UBE2H: variants seen among roughly 807,000 people sequenced by gnomAD.
UBE2H encodes the protein ubiquitin-conjugating enzyme E2 H.
Under a neutral mutation model 29.0 loss-of-function variants are expected in UBE2H, and 3 were observed. The ratio of observed to expected loss-of-function variants is 0.10; its 90% confidence interval spans 0.05 to 0.27. The LOEUF is 0.27. Ranked by LOEUF, UBE2H falls within the 10% of genes least tolerant of loss-of-function variation. The pLI is 1.00. For missense variants in UBE2H, 68 were observed against 228.2 expected (o/e 0.30, Z 4.52); for synonymous variants, 69 against 82.9 (o/e 0.83, Z 0.91).
chr7:129,945,096 G>A (rs2116528133), intron 1 of UBE2H, among the ~76,000 whole-genome samples: 1 of 152,172 alleles, frequency 6.6e-6, no homozygotes, highest in African/African-American at 2.4e-5. Context: ...ACAGAAATGA[G>A]ATCAATGGTT....
chr7:129,878,454 C>CTGGCG (rs1167771949), intron 3 of UBE2H, among the ~76,000 whole-genome samples: 2 of 151,922 alleles, frequency 1.3e-5, no homozygotes, highest in Non-Finnish European at 2.9e-5. Flanking sequence ...GAGGCCGAGG[C>CTGGCG]TGGCGGATCA....
intron 1 of UBE2H, among the ~76,000 whole-genome samples, chr7:129,922,324 C>A (rs1352528123): frequency 6.6e-6 from 1 of 151,762 alleles, no homozygotes; most frequent in African/African-American, 2.4e-5. Context: ...CTTGCTCTGG[C>A]ACCCAGGCTG....
intron 3 of UBE2H, among the ~76,000 whole-genome samples, chr7:129,866,889 G>A (rs1434881925): frequency 6.6e-6 from 1 of 152,152 alleles, no homozygotes; most frequent in Admixed American, 6.5e-5. Context: ...TAATCGTGAA[G>A]ATTAAATGAG....
At chr7:129,930,218 A>AT (rs1434508384) in intron 1 of UBE2H, among the ~76,000 whole-genome samples, 1 of 151,978 alleles carries the variant, frequency 6.6e-6, no homozygotes, top group African/African-American at 2.4e-5. Context: ...CTGCAGTGTA[A>AT]TGGCACGATC....
intron 5 of UBE2H, among the ~76,000 whole-genome samples, chr7:129,852,159 A>G (rs1805622122): frequency 6.6e-6 from 1 of 152,234 alleles, no homozygotes; most frequent in Non-Finnish European, 1.5e-5. Context: ...GTGTAGTTAC[A>G]CTAAAATGTT....
intron 1 of UBE2H, among the ~76,000 whole-genome samples, chr7:129,923,060 C>T (rs922598019): frequency 5.2e-4 from 79 of 151,930 alleles, no homozygotes; most frequent in African/African-American, 1.9e-3. Context: ...GCCACCAAGC[C>T]CAGCTAATTT....
chr7:129,931,968 C>T (rs1037211354), intron 1 of UBE2H, among the ~76,000 whole-genome samples: 1 of 151,460 alleles, frequency 6.6e-6, no homozygotes, highest in Non-Finnish European at 1.5e-5. Flanking sequence ...GGATTACAAG[C>T]GCCCGCCACC....
Position 129,834,921 on chromosome 7 carries a change from G to C in UBE2H, c.*16C>G. The C allele has an allele frequency of 6.2e-7, 1 of 1,612,094 alleles. No homozygotes were observed. Among genetic ancestry groups the C allele is most frequent in the Non-Finnish European group, 8.5e-7 (1 of 1,179,886 alleles). On this transcript the variant is annotated 3_prime_UTR_variant, in exon 7 of 7. Transcript: ENST00000355621. ...TAGGAAATAATAGTCTTTCTGAAAA[G>C]CAGGTGCTTTTTCTACTACAACTCC...
chr7:129,863,526 C>G (rs1805839597), intron 3 of UBE2H, among the ~76,000 whole-genome samples: 1 of 152,178 alleles, frequency 6.6e-6, no homozygotes, highest in Non-Finnish European at 1.5e-5. Flanking sequence ...CAATGGCAAG[C>G]ACTCTGAGAA....
At chr7:129,930,207 G>C (rs907131564) in intron 1 of UBE2H, among the ~76,000 whole-genome samples, 4 of 151,934 alleles carry the variant, frequency 2.6e-5, no homozygotes, top group Admixed American at 2.6e-4. Context: ...TGTTGCCCAC[G>C]CTGCAGTGTA....
intron 1 of UBE2H, among the ~76,000 whole-genome samples, chr7:129,905,615 CA>C (rs1428622138): frequency 2.6e-5 from 4 of 152,092 alleles, no homozygotes; most frequent in Non-Finnish European, 4.4e-5. Flanking sequence ...GAACTCAAAA[CA>C]GAGGAGGAAA....
intron 2 of UBE2H, 55 bp downstream of exon 2, chr7:129,880,840 A>G: frequency 6.7e-7 from 1 of 1,502,918 alleles, no homozygotes; most frequent in Non-Finnish European, 9.1e-7. Context: ...ATATTCTATT[A>G]AGAAACAGAG....
rs965412394 is a variant in UBE2H at position 129,910,093 on chromosome 7, C to G, written c.54-29122G>C. Among the ~76,000 whole-genome samples, 12 of 152,090 alleles carry G rather than the reference C, an allele frequency of 7.9e-5. 1 individual carries two copies. Among genetic ancestry groups the G allele is most frequent in the Admixed American group, 7.9e-4 (12 of 15,266 alleles). On this transcript the variant is annotated intron_variant, in intron 1 of 6. Coordinates refer to ENST00000355621, the MANE Select transcript of UBE2H (RefSeq NM_003344.4). ...CCTATAATCCCAGCACTTTGGGAGG[C>G]TGAAGCAGGCATATCACCTGAGGTC... is the stretch of plus-strand genomic sequence containing the variant.
chr7:129,865,056 A>G (rs1160108366), intron 3 of UBE2H: 1 of 443,152 alleles, frequency 2.3e-6, no homozygotes, highest in Non-Finnish European at 4.5e-6. Flanking sequence ...GAATTAGGTA[A>G]TTTATAATTC....
intron 1 of UBE2H, among the ~76,000 whole-genome samples, chr7:129,941,587 A>G (rs888436716): frequency 2.0e-5 from 3 of 152,002 alleles, no homozygotes; most frequent in African/African-American, 4.8e-5. Flanking sequence ...AGCTGTCAGT[A>G]ATATTAATTT....
rs549257264 is a variant in UBE2H, at chr7:129,835,067, C to T, written c.428-6G>A. 6.8e-6 allele frequency: 11 copies of T among 1,613,814 alleles called. No homozygotes were observed. The highest frequency in any genetic ancestry group is 1.7e-5 in the Admixed American group (1 of 59,980). ...GGCGTATTTCTGGATGTACTCTGCA[C>T]GGGGTGGGAGAAAGACAACAAGGGC... On this transcript the variant is annotated splice_region_variant and splice_polypyrimidine_tract_variant and intron_variant, in intron 6 of 6. Transcript: ENST00000355621.
At chr7:129,847,026 TTATTA>T (rs1371114837) in intron 5 of UBE2H, among the ~76,000 whole-genome samples, 34 of 124,506 alleles carry the variant, frequency 2.7e-4, no homozygotes, top group South Asian at 1.4e-3. Flanking sequence ...ATTATTATTA[TTATTA>T]TTTTTTGAGA....
intron 1 of UBE2H, among the ~76,000 whole-genome samples, chr7:129,944,736 ACACACACACACACACG>A (rs1435234540): frequency 1.3e-4 from 18 of 143,736 alleles, no homozygotes; most frequent in Non-Finnish European, 2.1e-4. Context: ...ACACACACAC[ACACACACACACACACG>A]CACGCACGCA....
intron 1 of UBE2H, among the ~76,000 whole-genome samples, chr7:129,937,452 C>G (rs977631318): frequency 1.3e-5 from 2 of 152,130 alleles, no homozygotes; most frequent in Non-Finnish European, 2.9e-5. Context: ...ATATAAAACT[C>G]TTAACTAAAT....
Sources: allele counts gnomAD v4.1 joint callset (sites outside exome capture counted in the v4.1 genomes callset), GRCh38; gene constraint gnomAD v4.1.1; transcripts MANE v1.5; gene names NCBI Gene and HGNC (gene_info 2026-07-23, HGNC 2026-07-21).